ZRANB1: variants seen among roughly 807,000 people sequenced by gnomAD.
The protein encoded by ZRANB1 is ubiquitin thioesterase ZRANB1.
A neutral mutation model predicts 80.5 loss-of-function variants in ZRANB1; 16 were observed. The ratio of observed to expected loss-of-function variants is 0.20; its 90% CI spans 0.13 to 0.30. ZRANB1 has a LOEUF of 0.30. Ranked by LOEUF, ZRANB1 falls within the 10% of genes least tolerant of loss-of-function variation. The probability of loss-of-function intolerance (pLI) is 1.00; values close to 1 mark genes in which losing one functional copy is unlikely to be tolerated. For synonymous variants in ZRANB1, 291 were observed against 293.1 expected (o/e 0.99, Z 0.07); for missense variants, 576 against 862.6 (o/e 0.67, Z 4.16).
chr10:124,917,417 C>T, the ZRANB1 span: 1 of 151,038 alleles, frequency 6.6e-6, no homozygotes, highest in Non-Finnish European at 1.5e-5. Context: ...GGGCAGGGGC[C>T]CGGGCCGCCG....
the ZRANB1 span, among the ~76,000 whole-genome samples, chr10:124,930,691 A>G: frequency 6.6e-6 from 1 of 152,236 alleles, no homozygotes; most frequent in Non-Finnish European, 1.5e-5. Flanking sequence ...GAAATATTAT[A>G]GGATATTCTT....
At position 124,985,216 on chromosome 10, in the gene ZRANB1, T is replaced by G; in HGVS notation, c.*224T>G. On this transcript the variant is annotated 3_prime_UTR_variant, in exon 9 of 9. Coordinates refer to ENST00000359653, the MANE Select transcript of ZRANB1 (RefSeq NM_017580.3). ...ACTACAGTTTGTAAAAAAAACTAATTTTATTAAGACAGAACTTTTTTTCCT... is the reference window on the plus strand; with the variant it reads ...ACTACAGTTTGTAAAAAAAACTAATGTTATTAAGACAGAACTTTTTTTCCT... 2.2e-6 allele frequency: 1 copy of G among 456,480 alleles called. No homozygotes were observed. Among genetic ancestry groups the G allele is most frequent in the Non-Finnish European group, 3.9e-6 (1 of 258,694 alleles). The allele number at this position is 456,480 out of a possible 1,614,324, so 28.3% of individuals were successfully genotyped here. A position where few individuals can be genotyped will look rare whatever the true frequency, so the allele number is the denominator to read the frequency against.
At position 124,983,172 on chromosome 10, in the gene ZRANB1, C is replaced by T. The variant is rs1951956345; in HGVS notation, c.1549-3C>T. 6.2e-7 allele frequency: 1 copy of T among 1,607,794 alleles called. No individual in the cohort carries two copies. Among genetic ancestry groups the T allele is most frequent in the Non-Finnish European group, 8.5e-7 (1 of 1,177,924 alleles). ...TTTTAAGTTTTTGTTTTGTTTCGTACAGCCTGGAGCAAGCTTGGAGCAGAC... is the reference window on the plus strand; with the variant it reads ...TTTTAAGTTTTTGTTTTGTTTCGTATAGCCTGGAGCAAGCTTGGAGCAGAC... On this transcript the variant is annotated splice_region_variant and splice_polypyrimidine_tract_variant and intron_variant, in intron 6 of 8. Transcript: ENST00000359653. The surrounding 1 kb of genome is among the most constrained non-coding windows in gnomAD (Gnocchi z 6.2).
At chr10:124,938,071 G>A (rs1008333031), upstream of ZRANB1, among the ~76,000 whole-genome samples, 1 of 152,062 alleles carries the variant, frequency 6.6e-6, no homozygotes, top group Admixed American at 6.6e-5. Flanking sequence ...AATTTACTTG[G>A]GCGTATGAAT....
chr10:124,921,986 C>T, the ZRANB1 span, among the ~76,000 whole-genome samples: 35 of 151,874 alleles, frequency 2.3e-4, no homozygotes, highest in African/African-American at 8.4e-4. Context: ...TTTTTTTTGA[C>T]ACAGGGTCTT....
chr10:124,986,745 A>G lies in ZRANB1; in HGVS notation c.*1753A>G, dbSNP rs958799466. 1 of 152,150 alleles carries G rather than the reference A, an allele frequency of 6.6e-6. No individual in the cohort carries two copies. The highest frequency in any genetic ancestry group is 1.5e-5 in the Non-Finnish European group (1 of 68,030). The allele number at this position is 152,150 out of a possible 1,614,324, so 9.4% of individuals were successfully genotyped here. On this transcript the variant is annotated 3_prime_UTR_variant, in exon 9 of 9. Transcript: ENST00000359653. Reference sequence around the variant, plus strand: ...ACTTAGCATCTGTAGTAATTTCTCTATGTATAGGGATAATTTTTTAGTGGG... The same window carrying G: ...ACTTAGCATCTGTAGTAATTTCTCTGTGTATAGGGATAATTTTTTAGTGGG...
At chr10:124,927,331 C>A in the ZRANB1 span, among the ~76,000 whole-genome samples, 3 of 152,170 alleles carry the variant, frequency 2.0e-5, no homozygotes, top group Non-Finnish European at 4.4e-5. Context: ...CCCTATTCTG[C>A]AGCAGAAGGA....
intron 5 of ZRANB1, among the ~76,000 whole-genome samples, chr10:124,981,241 T>G (rs1951929831): frequency 6.6e-6 from 1 of 152,214 alleles, no homozygotes; most frequent in South Asian, 2.1e-4. Context: ...ATCAGAGAAA[T>G]TATTTATGGA....
chr10:124,927,812 A>T, the ZRANB1 span, among the ~76,000 whole-genome samples: 6 of 152,100 alleles, frequency 3.9e-5, no homozygotes, highest in Non-Finnish European at 7.4e-5. Context: ...TGAGGCGGGC[A>T]GATCACTTGA....
At chr10:124,966,496 C>T (rs1224477691) in intron 1 of ZRANB1, 98 bp from the exon 2 acceptor site, 2 of 1,209,328 alleles carry the variant, frequency 1.7e-6, no homozygotes, top group African/African-American at 1.5e-5. Context: ...CCAGGAAGCA[C>T]AGAGAAACAC....
the ZRANB1 span, among the ~76,000 whole-genome samples, chr10:124,922,264 T>TATATATATATATATGTAAA: frequency 5.1e-4 from 55 of 108,492 alleles, 2 homozygotes; most frequent in African/African-American, 1.3e-3. Flanking sequence ...ATGTAAAATA[T>TATATATATATATATGTAAA]ATATATATAT....
chr10:124,983,423 CTG>C lies in ZRANB1; in HGVS notation c.1679-33_1679-32del. On this transcript the variant is annotated intron_variant, in intron 7 of 8. Transcript: ENST00000359653. The surrounding 1 kb of genome is among the most constrained non-coding windows in gnomAD (Gnocchi z 6.2). ...GCAGTGAGGGAGTGGCTCTTTCTTCCTGTGACTGTTGGGATTTTCTTCCCTCT... is the reference window on the plus strand; with the variant it reads ...GCAGTGAGGGAGTGGCTCTTTCTTCCTGACTGTTGGGATTTTCTTCCCTCT... 3.1e-6 allele frequency: 5 copies of C among 1,596,254 alleles called. No individual in the cohort carries two copies. Among genetic ancestry groups the C allele is most frequent in the Non-Finnish European group, 4.3e-6 (5 of 1,168,294 alleles).
At chr10:124,948,129 C>T (rs946060471) in intron 1 of ZRANB1, among the ~76,000 whole-genome samples, 2 of 152,052 alleles carry the variant, frequency 1.3e-5, no homozygotes, top group Admixed American at 6.6e-5. Flanking sequence ...CCTCTTCTTC[C>T]TCCTCCCCCT....
Position 124,942,824 on chromosome 10 carries a change from C to T in ZRANB1, c.331C>T (p.Arg111Cys), listed in dbSNP as rs1951548532. The change falls in exon 1 of 9, where the codon CGT (arginine) becomes TGT (cysteine). Residue 111 changes from arginine to cysteine, a missense_variant. Physicochemically the swap from Arg to Cys is radical, Grantham distance 180. Transcript: ENST00000359653. ...CAGATGTACCCAGTGCTTATCCCAA[C>T]GTAGGACCAGGAGTCCTACAGAATC... ...AIRCTQCLSQ[R>C]RTRSPTESPQ... 5 of 1,614,204 alleles carry T rather than the reference C, an allele frequency of 3.1e-6. No individual in the cohort carries two copies. Among genetic ancestry groups the T allele is most frequent in the African/African-American group, 1.3e-5 (1 of 75,054 alleles).
At chr10:124,961,227 A>T (rs1461888756) in intron 1 of ZRANB1, among the ~76,000 whole-genome samples, 2 of 151,976 alleles carry the variant, frequency 1.3e-5, no homozygotes, top group East Asian at 3.9e-4. Flanking sequence ...ACTGGTCTTG[A>T]ACTCCTGACC....
intron 2 of ZRANB1, among the ~76,000 whole-genome samples, chr10:124,968,040 A>G (rs1951790839): frequency 1.3e-5 from 2 of 151,992 alleles, no homozygotes; most frequent in African/African-American, 2.4e-5. Context: ...CTGGGATTGT[A>G]GGCACATGCC....
intron 2 of ZRANB1, among the ~76,000 whole-genome samples, chr10:124,967,932 T>TA (rs1483155159): frequency 7.5e-4 from 114 of 151,816 alleles, no homozygotes; most frequent in African/African-American, 2.7e-3. Flanking sequence ...GGAGTCTCAC[T>TA]CTGTTGCCCA....
chr10:124,945,409 A>ATTTTTTTTTTTTTTT (rs57697692), intron 1 of ZRANB1: 1 of 123,550 alleles, frequency 8.1e-6, no homozygotes, highest in African/African-American at 3.8e-5. Context: ...TCTTAAAATC[A>ATTTTTTTTTTTTTTT]TTTTTTTTTT....
At chr10:124,964,990 GA>G (rs1375314151) in intron 1 of ZRANB1, among the ~76,000 whole-genome samples, 2 of 152,154 alleles carry the variant, frequency 1.3e-5, no homozygotes, top group Non-Finnish European at 2.9e-5. Flanking sequence ...TTCTGTATTT[GA>G]ACATAATAAT....
Sources: gnomAD v4.1 joint callset for allele counts (sites outside exome capture counted in the v4.1 genomes callset) on GRCh38, gnomAD v4.1.1 for gene constraint, Gnocchi (gnomAD v3.1) non-coding constraint, MANE v1.5 for transcripts, NCBI Gene and HGNC (gene_info 2026-07-23, HGNC 2026-07-21) for gene names.